CCDC174: variants seen among roughly 807,000 people sequenced by gnomAD.
CCDC174 encodes coiled-coil domain-containing protein 174.
Under a neutral mutation model 57.1 loss-of-function variants are expected in CCDC174, and 37 were observed. That is an observed-to-expected ratio of 0.65 (90% CI 0.50 to 0.85). The LOEUF (loss-of-function observed/expected upper bound fraction) is 0.85. CCDC174 is among the 40% of genes least tolerant of loss of function. CCDC174 has a pLI of 0.00. For synonymous variants in CCDC174, 182 were observed against 190.2 expected (o/e 0.96, Z 0.35); for missense variants, 540 against 574.3 (o/e 0.94, Z 0.61).
At chr3:14,661,494 C>CT in intron 4 of CCDC174, 36 bp from the exon 5 acceptor site, 1 of 1,565,120 alleles carries the variant, frequency 6.4e-7, no homozygotes, top group Non-Finnish European at 8.7e-7. Context: ...TGTGATTTTC[C>CT]TTTTTGATGT....
At chr3:14,662,395 A>T (rs1050473768) in intron 5 of CCDC174, among the ~76,000 whole-genome samples, 1 of 134,204 alleles carries the variant, frequency 7.5e-6, no homozygotes, top group Admixed American at 8.8e-5. Context: ...CCTGTGGAGT[A>T]TAAGCAGGCA....
intron 6 of CCDC174, among the ~76,000 whole-genome samples, 168 bp from the exon 7 acceptor site, chr3:14,666,637 C>T (rs547862421): frequency 6.6e-6 from 1 of 150,926 alleles, no homozygotes; most frequent in African/African-American, 2.4e-5. Flanking sequence ...AAAAAAAAGG[C>T]GAAGGCTGTT....
intron 9 of CCDC174, among the ~76,000 whole-genome samples, chr3:14,668,546 A>G (rs1212201201): frequency 6.6e-6 from 1 of 152,204 alleles, no homozygotes; most frequent in African/African-American, 2.4e-5. Flanking sequence ...AAAGAAATTT[A>G]TATTCATAAA....
At chr3:14,659,699 C>CT (rs2031064254) in intron 4 of CCDC174, among the ~76,000 whole-genome samples, 1 of 150,850 alleles carries the variant, frequency 6.6e-6, no homozygotes, top group African/African-American at 2.4e-5. Flanking sequence ...GACCCTATCT[C>CT]TAAAAAAAAA....
Position 14,667,462 on chromosome 3 carries a change from CG to C in CCDC174, c.764del (p.Arg255GlnfsTer5). 6.2e-7 allele frequency: 1 copy of C among 1,613,598 alleles called. No homozygotes were observed. ...TGGTGTTGGGTATTTTGCCTTTGCC[CG>C]AGACAAAGAGTTGAGAAACAAGCAG... The part of the protein sequence containing the change: ...QLGVGYFAFA[R>X]DKELRNKQMK... On this transcript the variant is annotated frameshift_variant, in exon 8 of 11. Coordinates refer to ENST00000383794, the MANE Select transcript of CCDC174 (RefSeq NM_016474.5). LOFTEE classifies it high-confidence loss of function.
Position 14,671,008 on chromosome 3 carries a change from C to T in CCDC174, c.1218C>T (p.Ser406=), listed in dbSNP as rs753254506. Residue 406 remains serine (S), a synonymous_variant, in exon 11 of 11, where the codon TCC becomes TCT. Coordinates refer to ENST00000383794, the MANE Select transcript of CCDC174 (RefSeq NM_016474.5). ...YFVGQKRTGF[S]SSQAWSRPGP... ...TGGGTCAGAAGAGAACTGGTTTTTC[C>T]AGCAGCCAGGCATGGAGCAGACCTG... 1.2e-6 allele frequency: 2 copies of T among 1,614,160 alleles called. No individual in the cohort carries two copies. The highest frequency in any genetic ancestry group is 1.7e-5 in the Admixed American group (1 of 60,024).
chr3:14,656,397 GT>G (rs1559379490), intron 3 of CCDC174, among the ~76,000 whole-genome samples: 1 of 152,146 alleles, frequency 6.6e-6, no homozygotes, highest in African/African-American at 2.4e-5. Flanking sequence ...TGCCATTAAC[GT>G]TTTTAAAGGG....
At chr3:14,665,693 C>T (rs1391571845) in intron 6 of CCDC174, among the ~76,000 whole-genome samples, 1 of 152,132 alleles carries the variant, frequency 6.6e-6, no homozygotes, top group Non-Finnish European at 1.5e-5. Context: ...CCAAGTCCTG[C>T]AGGTTCAGGC....
intron 3 of CCDC174, among the ~76,000 whole-genome samples, chr3:14,658,077 G>A (rs1281918229): frequency 6.6e-6 from 1 of 152,230 alleles, no homozygotes. Context: ...ATGTCAAGGG[G>A]CCTCTCTGCT....
intron 3 of CCDC174, among the ~76,000 whole-genome samples, chr3:14,657,469 C>G (rs150845241): frequency 6.6e-6 from 1 of 152,232 alleles, no homozygotes; most frequent in African/African-American, 2.4e-5. Flanking sequence ...ATCTTTCTAA[C>G]TCAACAGAAG....
intron 3 of CCDC174, among the ~76,000 whole-genome samples, chr3:14,656,120 C>T (rs192731407): frequency 3.9e-5 from 6 of 152,260 alleles, no homozygotes; most frequent in African/African-American, 1.4e-4. Context: ...CCCTGTAAGT[C>T]GTTCAGCCTA....
chr3:14,670,660 C>T (rs1181528431), intron 10 of CCDC174, among the ~76,000 whole-genome samples: 1 of 152,188 alleles, frequency 6.6e-6, no homozygotes, highest in Non-Finnish European at 1.5e-5. Context: ...GTCTGTATTT[C>T]TCTTTTTCTG....
At position 14,666,790 on chromosome 3, in the gene CCDC174, C is replaced by T. The variant is rs1449277600; in HGVS notation, c.582-15C>T. 1.9e-6 allele frequency: 3 copies of T among 1,566,868 alleles called. No individual in the cohort carries two copies. The highest frequency in any genetic ancestry group is 2.6e-6 in the Non-Finnish European group (3 of 1,164,076). ...TCCTTATCTGAAGATAGTTTTTGCT[C>T]TGTTTTCCTGCTAGTTTTATTAGTC... On this transcript the variant is annotated splice_polypyrimidine_tract_variant and intron_variant, in intron 6 of 10. Coordinates refer to ENST00000383794, the MANE Select transcript of CCDC174 (RefSeq NM_016474.5).
In CCDC174 at chr3:14,670,119, C is replaced by CT. The variant is rs757638138; in HGVS notation, c.1105+34dup. On this transcript the variant is annotated intron_variant, in intron 10 of 10. Coordinates refer to ENST00000383794, the MANE Select transcript of CCDC174 (RefSeq NM_016474.5). ...AGGTGGGCTCTGAGGTGTAAGAACTCTCCAGTGAATGGAAAATGGTTTTTT... is the reference window on the plus strand; with the variant it reads ...AGGTGGGCTCTGAGGTGTAAGAACTCTTCCAGTGAATGGAAAATGGTTTTTT... 4.5e-6 allele frequency: 7 copies of CT among 1,572,768 alleles called. No homozygotes were observed. The African/African-American group carries it at 9.7e-5, about 22-fold the overall frequency.
chr3:14,664,264 G>A (rs905227511), intron 5 of CCDC174, among the ~76,000 whole-genome samples: 6 of 152,172 alleles, frequency 3.9e-5, no homozygotes, highest in African/African-American at 1.4e-4. Flanking sequence ...AGTACTTATT[G>A]GACCTTACTG....
chr3:14,652,598 T>C (rs2030810017), intron 1 of CCDC174, among the ~76,000 whole-genome samples: 1 of 152,140 alleles, frequency 6.6e-6, no homozygotes, highest in East Asian at 1.9e-4. Context: ...TTCCCCAGCT[T>C]ACAGACAGAA....
chr3:14,668,255 G>A (rs2031406588), intron 9 of CCDC174, 74 bp downstream of exon 9: 2 of 1,403,978 alleles, frequency 1.4e-6, no homozygotes, highest in Non-Finnish European at 1.9e-6. Flanking sequence ...AATAGGGCTG[G>A]CAATGTGAAA....
intron 4 of CCDC174, among the ~76,000 whole-genome samples, chr3:14,659,697 C>A (rs754159995): frequency 4.0e-5 from 6 of 151,460 alleles, no homozygotes; most frequent in Non-Finnish European, 7.4e-5. Context: ...GTGACCCTAT[C>A]TCTAAAAAAA....
intron 6 of CCDC174, 83 bp downstream of exon 6, chr3:14,665,206 A>C (rs1313774899): frequency 4.3e-6 from 4 of 921,576 alleles, no homozygotes; most frequent in Non-Finnish European, 7.2e-6. Context: ...GCTGTTTTAT[A>C]ATTAATGATC....
Sources: allele counts gnomAD v4.1 joint callset (sites outside exome capture counted in the v4.1 genomes callset), GRCh38; gene constraint gnomAD v4.1.1; transcripts MANE v1.5; gene names NCBI Gene and HGNC (gene_info 2026-07-23, HGNC 2026-07-21).